Variants in RANBP10 observed in about 807,000 individuals in gnomAD.
RANBP10 encodes the protein RAN binding protein 10.
RANBP10 carries 24 observed loss-of-function variants against 72.8 expected under a neutral mutation model. The observed-to-expected ratio is 0.33, with a 90% CI of 0.24 to 0.46. The LOEUF is 0.46. Among genes scored for constraint, RANBP10 ranks in the 20% least tolerant of loss-of-function variants. The probability of loss-of-function intolerance (pLI) is 1.00; values close to 1 mark genes in which losing one functional copy is unlikely to be tolerated. For missense variants in RANBP10, 679 were observed against 817.5 expected (o/e 0.83, Z 2.07); for synonymous variants, 310 against 322.3 (o/e 0.96, Z 0.41).
intron 3 of RANBP10, among the ~76,000 whole-genome samples, chr16:67,771,406 C>T (rs897537238): frequency 1.3e-5 from 2 of 151,598 alleles, no homozygotes; most frequent in African/African-American, 4.8e-5. Flanking sequence ...AGTGCAGTGG[C>T]GCAATCTCAG....
chr16:67,757,135 G>A (rs1247169127), intron 3 of RANBP10, among the ~76,000 whole-genome samples: 3 of 152,198 alleles, frequency 2.0e-5, no homozygotes, highest in African/African-American at 7.2e-5. Context: ...TTGAACCTGG[G>A]AGGCAGAGGT....
Position 67,772,015 on chromosome 16 carries a change from C to T in RANBP10, c.400+19G>A. On this transcript the variant is annotated intron_variant, in intron 3 of 13. Transcript: ENST00000317506. ...GGATCAGGAGAGCAGAACAAATGTTCTCTTAAACAGTGACTCACCAGGAAG... is the reference window on the plus strand; with the variant it reads ...GGATCAGGAGAGCAGAACAAATGTTTTCTTAAACAGTGACTCACCAGGAAG... 6.2e-7 allele frequency: 1 copy of T among 1,601,970 alleles called. No individual in the cohort carries two copies. Among genetic ancestry groups the T allele is most frequent in the South Asian group, 1.1e-5 (1 of 90,196 alleles).
Position 67,726,527 on chromosome 16 carries a change from C to T in RANBP10, c.1764G>A (p.Leu588=), listed in dbSNP as rs773160596. The part of the protein sequence containing the change: ...ESQNLPKQPP[L]MLALGQASEC... ...CAGATGCCTGGCCCAGGGCGAGCAT[C>T]AGAGGGGGCTGCTTTGGCAGGTTCT... Residue 588 remains leucine (L), a synonymous_variant, in exon 14 of 14, where the codon CTG becomes CTA. Coordinates refer to ENST00000317506, the MANE Select transcript of RANBP10 (RefSeq NM_020850.3). The T allele has an allele frequency of 1.3e-6, 2 of 1,569,926 alleles. No homozygotes were observed. The highest frequency in any genetic ancestry group is 2.3e-5 in the South Asian group (2 of 85,648).
At chr16:67,765,640 T>C (rs2054487322) in intron 3 of RANBP10, among the ~76,000 whole-genome samples, 2 of 151,502 alleles carry the variant, frequency 1.3e-5, no homozygotes, top group Admixed American at 6.6e-5. Flanking sequence ...ATCGAGACCA[T>C]CCTGGCTAAC....
intron 1 of RANBP10, 110 bp from the exon 2 acceptor site, chr16:67,805,649 C>G: frequency 1.2e-6 from 1 of 818,388 alleles, no homozygotes; most frequent in Non-Finnish European, 2.0e-6. Flanking sequence ...GGCCAGAGGA[C>G]GCACTTACAC....
intron 3 of RANBP10, chr16:67,763,274 G>C (rs1379650728): frequency 6.5e-6 from 1 of 152,696 alleles, no homozygotes; most frequent in Admixed American, 6.5e-5. Context: ...ACAGAAGCCA[G>C]ATTAAAGAGA....
rs576257369 is a variant in RANBP10, at chr16:67,745,608, T to C, written c.401-1153A>G. Among the ~76,000 whole-genome samples the C allele has an allele frequency of 7.2e-5, 11 of 152,310 alleles. 1 individual carries two copies. Among genetic ancestry groups the C allele is most frequent in the Admixed American group, 5.9e-4 (9 of 15,300 alleles). On this transcript the variant is annotated intron_variant, in intron 3 of 13. Coordinates refer to ENST00000317506, the MANE Select transcript of RANBP10 (RefSeq NM_020850.3). ...CCTCGGCATCCCAAAATGTTAAGATTACAGGCGTGAGCCACCGTACCTGGC... is the reference window on the plus strand; with the variant it reads ...CCTCGGCATCCCAAAATGTTAAGATCACAGGCGTGAGCCACCGTACCTGGC...
chr16:67,774,297 CACATGTGCA>C (rs2054657728), intron 2 of RANBP10, among the ~76,000 whole-genome samples: 1 of 152,248 alleles, frequency 6.6e-6, no homozygotes, highest in African/African-American at 2.4e-5. Context: ...ATGTTTGGAG[CACATGTGCA>C]AACGGGGAGG....
intron 3 of RANBP10, among the ~76,000 whole-genome samples, chr16:67,767,110 C>T (rs374641981): frequency 6.6e-6 from 1 of 152,170 alleles, no homozygotes; most frequent in African/African-American, 2.4e-5. Context: ...TGTCAAAGGA[C>T]ATGACCAGTA....
intron 2 of RANBP10, among the ~76,000 whole-genome samples, chr16:67,789,913 A>G (rs1189242078): frequency 1.3e-5 from 2 of 151,818 alleles, no homozygotes; most frequent in African/African-American, 4.9e-5. Flanking sequence ...TCTGACCAAC[A>G]TGGCGAAATC....
chr16:67,750,674 G>A (rs901042118), intron 3 of RANBP10, among the ~76,000 whole-genome samples: 4 of 152,054 alleles, frequency 2.6e-5, no homozygotes, highest in African/African-American at 9.7e-5. Context: ...TCTCACACAA[G>A]GATGATCCTG....
In RANBP10 at chr16:67,805,412, G is replaced by T. The variant is rs2055356732; in HGVS notation, c.347+16C>A. 2.1e-5 allele frequency: 34 copies of T among 1,600,714 alleles called. No homozygotes were observed. The highest frequency in any genetic ancestry group is 2.8e-5 in the Non-Finnish European group (33 of 1,168,596). ...GCTCCATGATCAGGGAAAGAGGGTG[G>T]TCATGAAGGGCTTACCCATCTCTTC... On this transcript the variant is annotated intron_variant, in intron 2 of 13. Transcript: ENST00000317506.
At chr16:67,779,775 C>T (rs1567706106) in intron 2 of RANBP10, among the ~76,000 whole-genome samples, 1 of 152,194 alleles carries the variant, frequency 6.6e-6, no homozygotes, top group Non-Finnish European at 1.5e-5. Flanking sequence ...GGGTGGGGGC[C>T]TGGGCTCAAT....
intron 2 of RANBP10, among the ~76,000 whole-genome samples, chr16:67,788,310 T>C (rs1010195063): frequency 1.3e-5 from 2 of 152,014 alleles, no homozygotes; most frequent in Non-Finnish European, 2.9e-5. Context: ...TGGAGTGCAG[T>C]GGTGCGATCT....
chr16:67,746,883 T>A (rs1346158575), intron 3 of RANBP10, among the ~76,000 whole-genome samples: 1 of 152,222 alleles, frequency 6.6e-6, no homozygotes, highest in African/African-American at 2.4e-5. Context: ...TATTGCTGAG[T>A]AGTACTCCAT....
chr16:67,743,110 G>A (rs1271102819), intron 4 of RANBP10, among the ~76,000 whole-genome samples: 1 of 152,230 alleles, frequency 6.6e-6, no homozygotes, highest in Non-Finnish European at 1.5e-5. Flanking sequence ...CCAGCCATCA[G>A]CACTCCAATT....
intron 3 of RANBP10, among the ~76,000 whole-genome samples, chr16:67,765,074 T>C (rs1054092998): frequency 6.6e-6 from 1 of 151,976 alleles, no homozygotes; most frequent in African/African-American, 2.4e-5. Flanking sequence ...TAGTGGCTCA[T>C]GCCTGTAAAC....
chr16:67,735,148 T>G, intron 5 of RANBP10, 106 bp from the exon 6 acceptor site: 3 of 1,171,780 alleles, frequency 2.6e-6, no homozygotes, highest in Non-Finnish European at 3.5e-6. Context: ...CTGGGAGAGT[T>G]GCAGCAAGGC....
At chr16:67,763,988 C>T (rs778924007) in intron 3 of RANBP10, among the ~76,000 whole-genome samples, 1 of 152,166 alleles carries the variant, frequency 6.6e-6, no homozygotes, top group African/African-American at 2.4e-5. Flanking sequence ...TGAGCCACTG[C>T]GTCCAACCAA....
Sources: allele counts gnomAD v4.1 joint callset (sites outside exome capture counted in the v4.1 genomes callset), GRCh38; gene constraint gnomAD v4.1.1; transcripts MANE v1.5; gene names NCBI Gene and HGNC (gene_info 2026-07-23, HGNC 2026-07-21).